Variants in EDIL3 observed in about 807,000 individuals in gnomAD.
EDIL3 encodes the protein EGF-like repeat and discoidin I-like domain-containing protein 3.
In EDIL3, 37 loss-of-function variants were observed where a neutral mutation model predicts 67.4. The ratio of observed to expected loss-of-function variants is 0.55; its 90% CI spans 0.42 to 0.72. EDIL3 has a LOEUF of 0.72. EDIL3 is among the 30% of genes least tolerant of loss of function. The pLI is 0.00. For synonymous variants in EDIL3, 195 were observed against 196.3 expected (o/e 0.99, Z 0.05); for missense variants, 527 against 586.3 (o/e 0.90, Z 1.04).
At chr5:83,984,605 T>A (rs1336653388) in intron 9 of EDIL3, among the ~76,000 whole-genome samples, 1 of 152,084 alleles carries the variant, frequency 6.6e-6, no homozygotes, top group Non-Finnish European at 1.5e-5. Context: ...GCTTTAAATG[T>A]CCACTGTCTA....
chr5:84,327,275 T>A (rs1450131892), intron 1 of EDIL3, among the ~76,000 whole-genome samples: 1 of 151,994 alleles, frequency 6.6e-6, no homozygotes, highest in Non-Finnish European at 1.5e-5. Flanking sequence ...CATGCCTTTT[T>A]AATTGTTCCT....
intron 5 of EDIL3, among the ~76,000 whole-genome samples, chr5:84,125,961 A>C (rs1747863516): frequency 6.6e-6 from 1 of 151,894 alleles, no homozygotes. Flanking sequence ...TCTTTAGTTT[A>C]CCTCTTTTCC....
chr5:84,169,146 GTTCCATAATCTCCA>G (rs1748765223), intron 4 of EDIL3, among the ~76,000 whole-genome samples: 1 of 151,854 alleles, frequency 6.6e-6, no homozygotes, highest in South Asian at 2.1e-4. Flanking sequence ...ACGCCCCTTT[GTTCCATAATCTCCA>G]TTCTTACAAA....
At chr5:84,226,344 A>G (rs761387210) in intron 3 of EDIL3, among the ~76,000 whole-genome samples, 1 of 151,750 alleles carries the variant, frequency 6.6e-6, no homozygotes, top group Non-Finnish European at 1.5e-5. Flanking sequence ...ACAAACATGA[A>G]TAACAGCTAT....
At chr5:84,223,836 T>C (rs1291184351) in intron 3 of EDIL3, among the ~76,000 whole-genome samples, 2 of 151,188 alleles carry the variant, frequency 1.3e-5, no homozygotes, top group Non-Finnish European at 3.0e-5. Context: ...ACTATAGTAA[T>C]CATTTTACTA....
chr5:84,070,336 T>C (rs1340306966), intron 6 of EDIL3, among the ~76,000 whole-genome samples: 2 of 152,156 alleles, frequency 1.3e-5, no homozygotes, highest in African/African-American at 4.8e-5. Context: ...CACTGTAACA[T>C]GCCCGGTGGG....
chr5:84,177,764 A>T (rs1748946719), intron 4 of EDIL3, among the ~76,000 whole-genome samples: 1 of 152,126 alleles, frequency 6.6e-6, no homozygotes, highest in Non-Finnish European at 1.5e-5. Flanking sequence ...CCCCAAAAAC[A>T]TTTTAAAAAG....
intron 1 of EDIL3, among the ~76,000 whole-genome samples, chr5:84,336,693 T>A (rs1000955987): frequency 3.3e-5 from 5 of 152,158 alleles, no homozygotes; most frequent in African/African-American, 1.2e-4. Context: ...GTGGTGTCTT[T>A]AACTAAGACA....
Position 84,254,184 on chromosome 5 carries a change from T to G in EDIL3, c.96A>C (p.Glu32Asp). 1 of 1,612,570 alleles carries G rather than the reference T, an allele frequency of 6.2e-7. No individual in the cohort carries two copies. Among genetic ancestry groups the G allele is most frequent in the Non-Finnish European group, 8.5e-7 (1 of 1,179,196 alleles). The change falls in exon 2 of 11, where the codon GAA (glutamate) becomes GAC (aspartate). Residue 32 changes from glutamate to aspartate, a missense_variant. Glu to Asp is a conservative substitution (Grantham distance 45). Around this residue, in one of 2 missense-constraint regions of EDIL3, gnomAD observed 494 missense variants for 522.5 expected, o/e 0.95. Transcript: ENST00000296591. ...KGDICDPNPCENGGICLPGLA... is the reference protein window; with the variant it reads ...KGDICDPNPCDNGGICLPGLA... ...ATCCTGGCAAACAGATACCTCCATT[T>G]TCACATGGATTGGGATCACAAATAT...
rs1020466614 is a variant in EDIL3, at chr5:83,968,416, A to T, written c.1138-5056T>A. Among the ~76,000 whole-genome samples the T allele has an allele frequency of 2.0e-5, 3 of 152,182 alleles. No homozygotes were observed. The South Asian group carries it at 6.2e-4, about 32-fold the overall frequency. ...ACTTAACATAGCAATTGCTTTTTTC[A>T]TGTAATATATTAAAAATACAATAAC... On this transcript the variant is annotated intron_variant, in intron 9 of 10. Coordinates refer to ENST00000296591, the MANE Select transcript of EDIL3 (RefSeq NM_005711.5).
intron 1 of EDIL3, among the ~76,000 whole-genome samples, chr5:84,350,292 T>C (rs1747328290): frequency 6.6e-6 from 1 of 152,094 alleles, no homozygotes. Context: ...ATGAAACTTT[T>C]ATTTCTTGAC....
At chr5:84,205,009 C>T (rs1369507885) in intron 3 of EDIL3, among the ~76,000 whole-genome samples, 4 of 151,822 alleles carry the variant, frequency 2.6e-5, no homozygotes, top group Admixed American at 6.6e-5. Flanking sequence ...ATCTCCCGGG[C>T]ACAAGCAATC....
At position 84,254,246 on chromosome 5, in the gene EDIL3, T is replaced by A. The variant is rs563346014; in HGVS notation, c.68-34A>T. ...TAAAAAAAAACCGAAATTGACATTT[T>A]TTTTTTGTCTTGGACATTGAAACAT... On this transcript the variant is annotated intron_variant, in intron 1 of 10. Coordinates refer to ENST00000296591, the MANE Select transcript of EDIL3 (RefSeq NM_005711.5). 10,996 of 1,588,672 alleles carry A rather than the reference T, an allele frequency of 6.9e-3. 59 individuals carry two copies. Among genetic ancestry groups the A allele is most frequent in the Admixed American group, 0.023 (1,275 of 55,332 alleles).
intron 1 of EDIL3, among the ~76,000 whole-genome samples, chr5:84,369,383 A>G (rs1379326782): frequency 6.6e-6 from 1 of 152,042 alleles, no homozygotes; most frequent in Admixed American, 6.6e-5. Flanking sequence ...ATATATAAAC[A>G]AAGGAATTCT....
intron 4 of EDIL3, among the ~76,000 whole-genome samples, chr5:84,171,885 C>A (rs1748818212): frequency 6.6e-6 from 1 of 152,080 alleles, no homozygotes; most frequent in African/African-American, 2.4e-5. Flanking sequence ...TTTTATAATG[C>A]CCCAGGTGAC....
chr5:84,304,652 T>C (rs1160607279), intron 1 of EDIL3, among the ~76,000 whole-genome samples: 4 of 152,244 alleles, frequency 2.6e-5, no homozygotes, highest in Admixed American at 1.3e-4. Flanking sequence ...TTGAATGTCA[T>C]ATAAAGGATC....
intron 9 of EDIL3, among the ~76,000 whole-genome samples, chr5:84,029,957 G>T (rs907444473): frequency 6.6e-6 from 1 of 152,144 alleles, no homozygotes; most frequent in African/African-American, 2.4e-5. Flanking sequence ...CTTTGTTTAA[G>T]GAAGATAAAT....
At chr5:83,968,281 T>C (rs1446044417) in intron 9 of EDIL3, among the ~76,000 whole-genome samples, 1 of 152,098 alleles carries the variant, frequency 6.6e-6, no homozygotes, top group Non-Finnish European at 1.5e-5. Context: ...GATCTAAAGT[T>C]TGGAATCCTT....
chr5:84,263,686 T>C (rs1745282559), intron 1 of EDIL3, among the ~76,000 whole-genome samples: 1 of 152,204 alleles, frequency 6.6e-6, no homozygotes, highest in Non-Finnish European at 1.5e-5. Flanking sequence ...GCTCAATAAA[T>C]GTTAGTCAAA....
Sources: allele counts gnomAD v4.1 joint callset (sites outside exome capture counted in the v4.1 genomes callset), GRCh38; gene constraint gnomAD v4.1.1; regional missense constraint gnomAD v4.1.1; transcripts MANE v1.5; gene names NCBI Gene and HGNC (gene_info 2026-07-23, HGNC 2026-07-21).